ADAMTS17: variants seen among roughly 807,000 people sequenced by gnomAD.
The protein encoded by ADAMTS17 is A disintegrin and metalloproteinase with thrombospondin motifs 17.
Under a neutral mutation model 141.5 loss-of-function variants are expected in ADAMTS17, and 113 were observed. The ratio of observed to expected loss-of-function variants is 0.80; its 90% CI spans 0.69 to 0.93. The LOEUF is 0.93. ADAMTS17 is among the 40% of genes least tolerant of loss of function. ADAMTS17 has a pLI of 0.00. For synonymous variants in ADAMTS17, 768 were observed against 630.6 expected, an observed-to-expected ratio of 1.22 and a Z score of -3.27; for missense variants, 1,659 against 1,517.9, an observed-to-expected ratio of 1.09 and a Z score of -1.54.
intron 15 of ADAMTS17, among the ~76,000 whole-genome samples, chr15:100,092,480 G>A (rs1227784642): frequency 6.6e-6 from 1 of 152,174 alleles, no homozygotes. Flanking sequence ...GGATACCTTC[G>A]TACAGAGATC....
chr15:100,221,508 C>T (rs2141788947), intron 7 of ADAMTS17, among the ~76,000 whole-genome samples: 1 of 152,246 alleles, frequency 6.6e-6, no homozygotes, highest in African/African-American at 2.4e-5. Context: ...ACCTATTGTT[C>T]TTTTGGAGTA....
intron 7 of ADAMTS17, among the ~76,000 whole-genome samples, chr15:100,201,604 C>A (rs2041336400): frequency 6.6e-6 from 1 of 152,232 alleles, no homozygotes; most frequent in Non-Finnish European, 1.5e-5. Flanking sequence ...TCATGTTTCA[C>A]ACACTGGGCC....
At chr15:100,167,210 CCTCATTGGATATCAT>C (rs1567292910) in intron 8 of ADAMTS17, among the ~76,000 whole-genome samples, 1 of 152,154 alleles carries the variant, frequency 6.6e-6, no homozygotes, top group East Asian at 1.9e-4. Context: ...CTGGATATCA[CCTCATTGGATATCAT>C]CATAGCATAT....
At chr15:100,057,643 T>C (rs2032700294) in intron 15 of ADAMTS17, among the ~76,000 whole-genome samples, 4 of 152,110 alleles carry the variant, frequency 2.6e-5, no homozygotes, top group Non-Finnish European at 4.4e-5. Flanking sequence ...GGAACATGTT[T>C]TCCCTCCCGT....
intron 4 of ADAMTS17, among the ~76,000 whole-genome samples, chr15:100,266,433 C>T (rs2043719155): frequency 6.6e-6 from 1 of 152,214 alleles, no homozygotes. Flanking sequence ...GACACAGAGC[C>T]AGGAGCCGAA....
In ADAMTS17 at chr15:99,993,678, G is replaced by A. The variant is rs933252123; in HGVS notation, c.2797-478C>T. Among the ~76,000 whole-genome samples, 2 of 152,112 alleles carry A rather than the reference G, an allele frequency of 1.3e-5. No homozygotes were observed. The highest frequency in any genetic ancestry group is 2.9e-5 in the Non-Finnish European group (2 of 68,004). On this transcript the variant is annotated intron_variant, in intron 19 of 21. Coordinates refer to ENST00000268070, the MANE Select transcript of ADAMTS17 (RefSeq NM_139057.4). The surrounding 1 kb of genome is among the most constrained non-coding windows in gnomAD (Gnocchi z 4.3). ...TGGACCAGCCTGGGACAAACTCCTC[G>A]ATCCAGCCGGGAGAAGGAGGAGGAG...
At chr15:100,298,805 T>A (rs188191608) in intron 3 of ADAMTS17, among the ~76,000 whole-genome samples, 1 of 152,310 alleles carries the variant, frequency 6.6e-6, no homozygotes, top group African/African-American at 2.4e-5. Context: ...TAATTTTGCA[T>A]CACCCTTAAA....
intron 18 of ADAMTS17, among the ~76,000 whole-genome samples, chr15:100,018,668 A>G (rs1158547774): frequency 2.6e-5 from 4 of 152,184 alleles, no homozygotes; most frequent in Non-Finnish European, 4.4e-5. Context: ...TTGTGTGCCA[A>G]TGAAGCCTCT....
At chr15:100,255,504 A>G (rs1401858208) in intron 6 of ADAMTS17, among the ~76,000 whole-genome samples, 2 of 152,152 alleles carry the variant, frequency 1.3e-5, no homozygotes, top group Non-Finnish European at 2.9e-5. Context: ...TAGAAGCAGC[A>G]CTGGCAGAGG....
intron 18 of ADAMTS17, among the ~76,000 whole-genome samples, chr15:100,009,487 G>C (rs920256699): frequency 6.6e-6 from 1 of 152,174 alleles, no homozygotes; most frequent in African/African-American, 2.4e-5. Flanking sequence ...TGACTCCCCA[G>C]CTGTGCCACC....
chr15:100,217,581 C>G (rs1451384224), intron 7 of ADAMTS17, among the ~76,000 whole-genome samples: 1 of 152,118 alleles, frequency 6.6e-6, no homozygotes, highest in Non-Finnish European at 1.5e-5. Context: ...CCTGGGGCGT[C>G]AGAGCAAGAC....
chr15:100,190,862 C>T (rs2141588895), intron 8 of ADAMTS17, among the ~76,000 whole-genome samples: 1 of 152,364 alleles, frequency 6.6e-6, no homozygotes, highest in African/African-American at 2.4e-5. Flanking sequence ...CTGGACAGGG[C>T]TCAGCGCTGG....
At chr15:100,150,113 C>T (rs2039092448) in intron 10 of ADAMTS17, among the ~76,000 whole-genome samples, 1 of 152,162 alleles carries the variant, frequency 6.6e-6, no homozygotes, top group Admixed American at 6.5e-5. Flanking sequence ...TTTTGCAGTT[C>T]CTTGGGAGCC....
intron 15 of ADAMTS17, among the ~76,000 whole-genome samples, chr15:100,070,309 C>A (rs2033875657): frequency 6.7e-6 from 1 of 149,678 alleles, no homozygotes; most frequent in African/African-American, 2.5e-5. Flanking sequence ...TTTAACACCC[C>A]ACTGTCAACA....
chr15:100,333,531 C>A (rs2046117889), intron 2 of ADAMTS17, among the ~76,000 whole-genome samples: 1 of 152,208 alleles, frequency 6.6e-6, no homozygotes, highest in Admixed American at 6.5e-5. Context: ...GAAGCGCCGT[C>A]CTAGCTTTTC....
At position 100,254,835 on chromosome 15, in the gene ADAMTS17, G is replaced by C. The variant is rs537517385; in HGVS notation, c.1032-656C>G. Among the ~76,000 whole-genome samples, 327 of 152,256 alleles carry C rather than the reference G, an allele frequency of 2.1e-3. 3 individuals carry two copies. Among genetic ancestry groups the C allele is most frequent in the African/African-American group, 7.5e-3 (311 of 41,532 alleles). ...CATGGTGGGGAACAACACACACCAG[G>C]GCCAGCCGGGGGAGGCGGGGTGAAG... On this transcript the variant is annotated intron_variant, in intron 6 of 21. Transcript: ENST00000268070.
At chr15:100,288,498 AAC>A (rs2044520935) in intron 3 of ADAMTS17, among the ~76,000 whole-genome samples, 1 of 152,212 alleles carries the variant, frequency 6.6e-6, no homozygotes, top group Non-Finnish European at 1.5e-5. Context: ...ACGTGAACTC[AAC>A]ACTTGACCAA....
chr15:100,166,619 G>T (rs994366539), intron 8 of ADAMTS17, among the ~76,000 whole-genome samples: 4 of 152,188 alleles, frequency 2.6e-5, no homozygotes, highest in African/African-American at 9.7e-5. Flanking sequence ...CAAGGAGAAA[G>T]AGATCATGGT....
At chr15:100,106,056 G>A (rs150865676) in intron 14 of ADAMTS17, among the ~76,000 whole-genome samples, 3 of 152,162 alleles carry the variant, frequency 2.0e-5, no homozygotes, top group Admixed American at 6.5e-5. Flanking sequence ...GAGTGCAGTG[G>A]CAAAATCTCG....
Sources: allele counts gnomAD v4.1 joint callset (sites outside exome capture counted in the v4.1 genomes callset), GRCh38; gene constraint gnomAD v4.1.1; non-coding constraint Gnocchi (gnomAD v3.1); transcripts MANE v1.5; gene names NCBI Gene and HGNC (gene_info 2026-07-23, HGNC 2026-07-21).